Variants in CCDC73 observed in about 807,000 individuals in gnomAD.
CCDC73 encodes the protein coiled-coil domain containing 73.
A neutral mutation model predicts 116.5 loss-of-function variants in CCDC73; 95 were observed. That is an observed-to-expected ratio of 0.82 (90% CI 0.69 to 0.97). CCDC73 has a LOEUF of 0.97. CCDC73 is among the 50% of genes least tolerant of loss of function. The pLI is 0.00. For synonymous variants in CCDC73, 398 were observed against 401.3 expected (o/e 0.99, Z 0.10); for missense variants, 1,066 against 1,206.8 (o/e 0.88, Z 1.73).
intron 1 of CCDC73, among the ~76,000 whole-genome samples, chr11:32,776,096 C>A (rs897648222): frequency 1.3e-5 from 2 of 152,136 alleles, no homozygotes; most frequent in African/African-American, 2.4e-5. Flanking sequence ...CTGTCACTTT[C>A]ACTTTCTCCT....
upstream of CCDC73, among the ~76,000 whole-genome samples, chr11:32,795,073 T>G (rs939088320): frequency 2.6e-5 from 4 of 152,054 alleles, no homozygotes; most frequent in African/African-American, 9.7e-5. Context: ...CAATGGGAAG[T>G]GTGTGGATGG....
intron 3 of CCDC73, among the ~76,000 whole-genome samples, chr11:32,707,578 G>T (rs1260086338): frequency 6.6e-6 from 1 of 152,050 alleles, no homozygotes; most frequent in African/African-American, 2.4e-5. Context: ...ATAATATGGG[G>T]ACAAGTTTTT....
At chr11:32,678,898 AT>A (rs1377230797) in intron 7 of CCDC73, among the ~76,000 whole-genome samples, 6,973 of 114,604 alleles carry the variant, frequency 0.061, 379 homozygotes, top group African/African-American at 0.17. Flanking sequence ...AAAAAAAAAA[AT>A]ATATATATAT....
intron 13 of CCDC73, among the ~76,000 whole-genome samples, chr11:32,640,026 G>T (rs1855718633): frequency 6.6e-6 from 1 of 151,516 alleles, no homozygotes. Context: ...CAGTATCTTT[G>T]TTTTTTTAAC....
chr11:32,762,885 G>T (rs759950117), intron 1 of CCDC73, among the ~76,000 whole-genome samples: 1 of 152,072 alleles, frequency 6.6e-6, no homozygotes, highest in Non-Finnish European at 1.5e-5. Context: ...CTGGAAAATC[G>T]AGTCACTCCC....
At chr11:32,811,188 C>A in the CCDC73 span, among the ~76,000 whole-genome samples, 1 of 152,158 alleles carries the variant, frequency 6.6e-6, no homozygotes, top group South Asian at 2.1e-4. Flanking sequence ...AACATTGGAG[C>A]CTCTTCTTTA....
intron 17 of CCDC73, among the ~76,000 whole-genome samples, chr11:32,607,420 G>C (rs1308168817): frequency 6.6e-6 from 1 of 152,174 alleles, no homozygotes; most frequent in African/African-American, 2.4e-5. Context: ...AGCAACATTA[G>C]TTGCAGATAG....
chr11:32,734,110 A>C (rs1389803138), intron 2 of CCDC73, among the ~76,000 whole-genome samples: 1 of 152,240 alleles, frequency 6.6e-6, no homozygotes, highest in African/African-American at 2.4e-5. Flanking sequence ...ATCCCACAGA[A>C]ATACAAACTA....
At chr11:32,662,702 A>T (rs1380489699) in intron 9 of CCDC73, among the ~76,000 whole-genome samples, 11 of 151,922 alleles carry the variant, frequency 7.2e-5, no homozygotes, top group South Asian at 4.1e-4. Flanking sequence ...TTAGATCCCA[A>T]TTGTCAATGT....
chr11:32,787,995 C>A (rs1240241357), intron 1 of CCDC73, among the ~76,000 whole-genome samples: 1 of 152,152 alleles, frequency 6.6e-6, no homozygotes, highest in Non-Finnish European at 1.5e-5. Flanking sequence ...CAAGCTGGAA[C>A]TGATTACACT....
intron 17 of CCDC73, chr11:32,604,584 A>AT: frequency 6.6e-6 from 1 of 152,154 alleles, no homozygotes; most frequent in Non-Finnish European, 1.5e-5. Context: ...TTTATATGCT[A>AT]TGTTAAACAT....
intron 14 of CCDC73, among the ~76,000 whole-genome samples, chr11:32,632,802 G>GA (rs899628576): frequency 6.6e-6 from 1 of 151,878 alleles, no homozygotes; most frequent in East Asian, 1.9e-4. Context: ...GAATGAAAAT[G>GA]AAAAAACTAC....
At chr11:32,626,348 C>G (rs1031138103) in intron 14 of CCDC73, among the ~76,000 whole-genome samples, 29 of 151,902 alleles carry the variant, frequency 1.9e-4, no homozygotes, top group African/African-American at 6.5e-4. Flanking sequence ...AATGGAAGAA[C>G]ATTCCATGCT....
chr11:32,629,244 G>A (rs61889414), intron 14 of CCDC73, among the ~76,000 whole-genome samples: 3 of 151,956 alleles, frequency 2.0e-5, no homozygotes, highest in African/African-American at 7.3e-5. Flanking sequence ...AAAAAAAATT[G>A]AAGAAATGAC....
chr11:32,792,386 C>T (rs1850684173), intron 1 of CCDC73, among the ~76,000 whole-genome samples: 1 of 152,132 alleles, frequency 6.6e-6, no homozygotes, highest in South Asian at 2.1e-4. Flanking sequence ...TAAAGCTAAG[C>T]ATTGACTAAT....
intron 2 of CCDC73, among the ~76,000 whole-genome samples, chr11:32,749,482 G>C (rs1326117844): frequency 6.6e-6 from 1 of 151,990 alleles, no homozygotes; most frequent in Non-Finnish European, 1.5e-5. Flanking sequence ...TGACTTCTCT[G>C]AAAGTTCACA....
At chr11:32,679,608 C>A (rs1856125875) in intron 7 of CCDC73, among the ~76,000 whole-genome samples, 1 of 152,174 alleles carries the variant, frequency 6.6e-6, no homozygotes, top group East Asian at 1.9e-4. Context: ...AGGCAATCCA[C>A]CCGCCTTGGC....
the CCDC73 span, among the ~76,000 whole-genome samples, chr11:32,818,745 A>T: frequency 2.2e-4 from 34 of 152,360 alleles, 1 homozygote; most frequent in South Asian, 6.6e-3. Flanking sequence ...GGGAGTACTG[A>T]TACATGCTAT....
chr11:32,698,437 A>G (rs985175073), intron 6 of CCDC73, among the ~76,000 whole-genome samples: 1 of 152,180 alleles, frequency 6.6e-6, no homozygotes, highest in Non-Finnish European at 1.5e-5. Flanking sequence ...TGGCAAGAAA[A>G]TTACATAGGT....
Sources: gnomAD v4.1 joint callset for allele counts (sites outside exome capture counted in the v4.1 genomes callset) on GRCh38, gnomAD v4.1.1 for gene constraint, MANE v1.5 for transcripts, NCBI Gene and HGNC (gene_info 2026-07-23, HGNC 2026-07-21) for gene names.